The following ANKRD36B variants were observed in gnomAD, a reference collection of about 807,000 sequenced individuals.
ANKRD36B encodes the protein ankyrin repeat domain 36B.
ANKRD36B carries 37 observed loss-of-function variants against 135.7 expected under a neutral mutation model. That is an observed-to-expected ratio of 0.27 (90% CI 0.21 to 0.36). The LOEUF is 0.36. Ranked by LOEUF, ANKRD36B falls within the 10% of genes least tolerant of loss-of-function variation. ANKRD36B has a pLI of 1.00. For missense variants in ANKRD36B, 549 were observed against 1,037.1 expected (o/e 0.53, Z 6.46); for synonymous variants, 179 against 348.1 (o/e 0.51, Z 5.41).
At chr2:97,557,784 C>T (rs540361936) in intron 10 of ANKRD36B, among the ~76,000 whole-genome samples, 35 of 151,802 alleles carry the variant, frequency 2.3e-4, no homozygotes, top group African/African-American at 8.4e-4. Flanking sequence ...GGTTCTTCAT[C>T]CACTCGTGGC....
At position 97,493,908 on chromosome 2, in the gene ANKRD36B, C is replaced by T. The variant is rs1187439824; in HGVS notation, c.*7-1053G>A. Among the ~76,000 whole-genome samples the T allele has an allele frequency of 1.5e-4, 15 of 96,924 alleles. No individual in the cohort carries two copies. In the East Asian group the frequency reaches 2.9e-3, roughly 19 times the overall value. The allele number at this position is 96,924 out of a possible 152,430, so 63.6% of individuals were successfully genotyped here. A position where few individuals can be genotyped will look rare whatever the true frequency, so the allele number is the denominator to read the frequency against. ...GAGCAAGAGGAAACTTCATTCATTG[C>T]TTGTGGGAATGCAAAATGGTGCAGT... On this transcript the variant is annotated intron_variant, in intron 43 of 43. Transcript: ENST00000359901.
At position 97,589,798 on chromosome 2, in the gene ANKRD36B, A is replaced by G. The variant is rs1255997065; in HGVS notation, c.-113T>C. 1.3e-6 allele frequency: 2 copies of G among 1,536,826 alleles called. No individual in the cohort carries two copies. Among genetic ancestry groups the G allele is most frequent in the African/African-American group, 1.4e-5 (1 of 72,800 alleles). On this transcript the variant is annotated 5_prime_UTR_variant, in exon 1 of 44. Transcript: ENST00000359901. ...GGATCGCCGCCTCCGAAGAGCAACA[A>G]CAGGCAAAGCAGTCTGTGCACGGAC... is the stretch of plus-strand genomic sequence containing the variant.
intron 26 of ANKRD36B, among the ~76,000 whole-genome samples, chr2:97,543,192 G>A (rs1480032737): frequency 2.6e-5 from 4 of 151,280 alleles, no homozygotes; most frequent in Non-Finnish European, 4.4e-5. Flanking sequence ...AGTAGTTCCA[G>A]CAGCTGCCAA....
At chr2:97,586,981 C>G (rs894927587) in intron 1 of ANKRD36B, among the ~76,000 whole-genome samples, 20 of 152,152 alleles carry the variant, frequency 1.3e-4, no homozygotes, top group African/African-American at 4.3e-4. Context: ...TGAGACCAGC[C>G]TGGTCAACAT....
At chr2:97,569,094 A>G (rs1351065258) in intron 6 of ANKRD36B, among the ~76,000 whole-genome samples, 1 of 152,158 alleles carries the variant, frequency 6.6e-6, no homozygotes, top group South Asian at 2.1e-4. Flanking sequence ...ATCTGGACCC[A>G]TCTCACAGAA....
chr2:97,534,055 C>CA (rs764863325), intron 34 of ANKRD36B, among the ~76,000 whole-genome samples: 559 of 40,702 alleles, frequency 0.014, 87 homozygotes, highest in South Asian at 0.031. Flanking sequence ...GACTCCATCT[C>CA]AAAAAAAAAA....
At position 97,565,711 on chromosome 2, in the gene ANKRD36B, G is replaced by A. The variant is rs187193148; in HGVS notation, c.764-4851C>T. Among the ~76,000 whole-genome samples the A allele has an allele frequency of 8.5e-5, 13 of 152,232 alleles. No homozygotes were observed. The East Asian group carries it at 1.9e-3, about 23-fold the overall frequency. ...AAAAGGTCAGGAAACAACAGATGCT[G>A]GAGCAGATGTGGAGAAATAGGAATG... On this transcript the variant is annotated intron_variant, in intron 6 of 43. Transcript: ENST00000359901.
intron 6 of ANKRD36B, among the ~76,000 whole-genome samples, chr2:97,568,185 G>T (rs892562782): frequency 6.6e-6 from 1 of 151,810 alleles, no homozygotes; most frequent in African/African-American, 2.4e-5. Context: ...ATAGAGTTCA[G>T]CACTATTCAT....
At position 97,529,323 on chromosome 2, in the gene ANKRD36B, T is replaced by C. The variant is rs571330201; in HGVS notation, c.2265+2988A>G. 2.6e-4 allele frequency among the ~76,000 whole-genome samples: 25 copies of C among 96,024 alleles called. 7 individuals are homozygous for C. Among genetic ancestry groups the C allele is most frequent in the African/African-American group, 5.6e-4 (18 of 31,940 alleles). 63.0% of individuals were successfully genotyped at this position (96,024 alleles called of 152,430 possible). On this transcript the variant is annotated intron_variant, in intron 35 of 43. Transcript: ENST00000359901. ...AAAACCACATGATTATCTCAATAGA[T>C]GCAGAAAAGGCCTTTGATAAAATTC...
At chr2:97,567,426 C>A (rs1433487951) in intron 6 of ANKRD36B, among the ~76,000 whole-genome samples, 2 of 151,766 alleles carry the variant, frequency 1.3e-5, no homozygotes, top group African/African-American at 4.8e-5. Context: ...TAATCACACC[C>A]TGATCACTAT....
intron 21 of ANKRD36B, 27 bp from the exon 22 acceptor site, chr2:97,547,635 A>T (rs1307612069): frequency 6.4e-7 from 1 of 1,558,144 alleles, no homozygotes; most frequent in Non-Finnish European, 8.7e-7. Flanking sequence ...ATGAAATAAT[A>T]AATTAATAAA....
chr2:97,543,821 T>C lies in ANKRD36B; in HGVS notation c.1752A>G (p.Thr584=). 1 of 209,552 alleles carries C rather than the reference T, an allele frequency of 4.8e-6. No individual in the cohort carries two copies. 13.0% of individuals were successfully genotyped at this position (209,552 alleles called of 1,614,324 possible). ...DKKDSVSNIP[T]EIKDGQQSGT... is the part of the protein sequence containing the mutation. ...CAGATTGTTGTCCATCCTTTATTTCTGTGGGTATATTCGAAACAGAATCTT... is the reference window on the plus strand; with the variant it reads ...CAGATTGTTGTCCATCCTTTATTTCCGTGGGTATATTCGAAACAGAATCTT... The change falls in exon 26 of 44, where the codon ACA becomes ACG. Residue 584 remains threonine, a synonymous_variant. Transcript: ENST00000359901.
At chr2:97,535,427 C>T (rs1326644460) in intron 34 of ANKRD36B, among the ~76,000 whole-genome samples, 2 of 108,130 alleles carry the variant, frequency 1.8e-5, no homozygotes, top group Non-Finnish European at 5.0e-5. Flanking sequence ...ACTATCTCAT[C>T]TACTCCATAA....
intron 5 of ANKRD36B, 31 bp from the exon 6 acceptor site, chr2:97,576,477 T>G (rs1279109118): frequency 1.2e-6 from 1 of 809,414 alleles, no homozygotes; most frequent in Non-Finnish European, 1.9e-6. Flanking sequence ...AATTAATATT[T>G]TAATACTATT....
intron 8 of ANKRD36B, among the ~76,000 whole-genome samples, chr2:97,560,031 A>G (rs201921486): frequency 2.6e-5 from 4 of 152,020 alleles, no homozygotes; most frequent in East Asian, 1.9e-4. Context: ...GGTTTATCCC[A>G]ATTCTAGCAC....
chr2:97,547,904 G>T (rs971207990), intron 20 of ANKRD36B, among the ~76,000 whole-genome samples, 173 bp from the exon 21 acceptor site: 6 of 151,742 alleles, frequency 4.0e-5, no homozygotes, highest in Non-Finnish European at 7.4e-5. Flanking sequence ...CTGAGAAAAG[G>T]GAATACAGGC....
Position 97,563,147 on chromosome 2 carries a change from T to C in ANKRD36B, c.764-2287A>G, listed in dbSNP as rs189236734. ...TCCAGAGAAATAAGCTCTGAAATTT[T>C]ATTGAATATAACCTATTTAAAAACT... is the stretch of plus-strand genomic sequence containing the variant. On this transcript the variant is annotated intron_variant, in intron 6 of 43. Transcript: ENST00000359901. Among the ~76,000 whole-genome samples the C allele has an allele frequency of 2.0e-4, 31 of 152,152 alleles. No individual in the cohort carries two copies. The East Asian group carries it at 6.0e-3, about 29-fold the overall frequency.
In ANKRD36B at chr2:97,527,381, C is replaced by T. The variant is rs1228634568; in HGVS notation, c.2266-3914G>A. ...AGAGATTTTGTCACCATGAGGCCTG[C>T]CCTAAAAGAGCTCCTGAAGAAAGCA... On this transcript the variant is annotated intron_variant, in intron 35 of 43. Coordinates refer to ENST00000359901, the MANE Select transcript of ANKRD36B (RefSeq NM_001393939.1). 2.1e-5 allele frequency among the ~76,000 whole-genome samples: 2 copies of T among 93,684 alleles called. 1 individual carries two copies. Among genetic ancestry groups the T allele is most frequent in the Non-Finnish European group, 5.6e-5 (2 of 35,434 alleles). 61.5% of individuals were successfully genotyped at this position (93,684 alleles called of 152,430 possible).
At position 97,579,100 on chromosome 2, in the gene ANKRD36B, T is replaced by C. The variant is rs1573053278; in HGVS notation, c.558-57A>G. The C allele has an allele frequency of 4.0e-6, 6 of 1,505,638 alleles. No individual in the cohort carries two copies. The East Asian group carries it at 1.2e-4, about 31-fold the overall frequency. 93.3% of individuals were successfully genotyped at this position (1,505,638 alleles called of 1,614,324 possible). A position where few individuals can be genotyped will look rare whatever the true frequency, so the allele number is the denominator to read the frequency against. Reference sequence around the variant, plus strand: ...AATGACATTTTAAAAGCTAAGTTTATATACTTTATCAACTTAACATGTTGC... The same window carrying C: ...AATGACATTTTAAAAGCTAAGTTTACATACTTTATCAACTTAACATGTTGC... On this transcript the variant is annotated intron_variant, in intron 4 of 43. Transcript: ENST00000359901.
Sources: allele counts gnomAD v4.1 joint callset (sites outside exome capture counted in the v4.1 genomes callset), GRCh38; gene constraint gnomAD v4.1.1; transcripts MANE v1.5; gene names NCBI Gene and HGNC (gene_info 2026-07-23, HGNC 2026-07-21).